The following CDH11 variants were observed in gnomAD, a reference collection of about 807,000 sequenced individuals.
The protein encoded by CDH11 is cadherin 11, also known as cadherin-11.
In CDH11, 11 loss-of-function variants were observed where a neutral mutation model predicts 67.8. That is an observed-to-expected ratio of 0.16 (90% CI 0.10 to 0.27). The LOEUF is 0.27. CDH11 is among the 10% of genes least tolerant of loss of function. The pLI is 1.00. For synonymous variants in CDH11, 419 were observed against 400.0 expected, an observed-to-expected ratio of 1.05 and a Z score of -0.57; for missense variants, 847 against 1,031.2, an observed-to-expected ratio of 0.82 and a Z score of 2.45.
intron 2 of CDH11, among the ~76,000 whole-genome samples, chr16:65,031,374 G>A (rs775795373): frequency 1.3e-5 from 2 of 152,170 alleles, no homozygotes; most frequent in Non-Finnish European, 2.9e-5. Context: ...ATAGATGAAC[G>A]TAAAGAAAAT....
intron 2 of CDH11, among the ~76,000 whole-genome samples, chr16:65,030,275 C>T (rs1161932591): frequency 2.6e-5 from 4 of 152,192 alleles, no homozygotes; most frequent in Non-Finnish European, 5.9e-5. Context: ...TTCAGTATAT[C>T]TACAGTTTGG....
At chr16:65,022,739 C>A (rs1720186499) in intron 2 of CDH11, among the ~76,000 whole-genome samples, 3 of 152,134 alleles carry the variant, frequency 2.0e-5, no homozygotes, top group Admixed American at 2.0e-4. Flanking sequence ...CCAGGTGGTG[C>A]TAGGAATCAG....
intron 4 of CDH11, among the ~76,000 whole-genome samples, chr16:64,995,721 C>T (rs372127443): frequency 6.6e-6 from 1 of 152,042 alleles, no homozygotes; most frequent in African/African-American, 2.4e-5. Flanking sequence ...AAAGAAATTG[C>T]AACAAAAATA....
chr16:65,093,045 T>C (rs2074820108), intron 1 of CDH11, among the ~76,000 whole-genome samples: 3 of 150,744 alleles, frequency 2.0e-5, no homozygotes, highest in South Asian at 2.1e-4. Context: ...CAAGCAATTC[T>C]CCTGCCTCAG....
intron 1 of CDH11, among the ~76,000 whole-genome samples, chr16:65,120,224 T>C (rs1383083714): frequency 6.6e-6 from 1 of 152,168 alleles, no homozygotes; most frequent in African/African-American, 2.4e-5. Flanking sequence ...TCTGCCAACA[T>C]ATTAGGCTCT....
intron 1 of CDH11, chr16:65,059,595 A>C (rs2074203987): frequency 6.6e-6 from 1 of 152,166 alleles, no homozygotes; most frequent in Non-Finnish European, 1.5e-5. Flanking sequence ...TGATAAAAAG[A>C]CTAGAGGCCT....
At chr16:65,047,412 T>C (rs59954387) in intron 2 of CDH11, among the ~76,000 whole-genome samples, 59,044 of 151,474 alleles carry the variant, frequency 0.39, 11,887 homozygotes, top group Middle Eastern at 0.46. Context: ...GTGCAGTTGG[T>C]GCAGTCTCAG....
intron 1 of CDH11, among the ~76,000 whole-genome samples, chr16:65,116,499 T>C (rs1325213971): frequency 2.0e-5 from 3 of 152,154 alleles, no homozygotes; most frequent in Non-Finnish European, 4.4e-5. Flanking sequence ...ATCATTCCAG[T>C]GCAGAGGACC....
At chr16:64,957,045 T>C (rs925127576) in intron 11 of CDH11, among the ~76,000 whole-genome samples, 2 of 152,098 alleles carry the variant, frequency 1.3e-5, no homozygotes, top group Non-Finnish European at 2.9e-5. Context: ...CTCCTGCATA[T>C]TGAAAACTTG....
intron 1 of CDH11, among the ~76,000 whole-genome samples, chr16:65,111,674 A>AACAC (rs71143552): frequency 0.092 from 12,938 of 140,606 alleles, 650 homozygotes; most frequent in African/African-American, 0.13. Context: ...GAAAGCTAGA[A>AACAC]ACACACACAC....
At chr16:65,022,038 A>G (rs1206291461) in intron 2 of CDH11, among the ~76,000 whole-genome samples, 2 of 152,180 alleles carry the variant, frequency 1.3e-5, no homozygotes, top group Non-Finnish European at 2.9e-5. Context: ...AAGTAAGAGC[A>G]AACTTTTACT....
chr16:65,037,460 A>G (rs2073775054), intron 2 of CDH11, among the ~76,000 whole-genome samples: 1 of 152,152 alleles, frequency 6.6e-6, no homozygotes, highest in African/African-American at 2.4e-5. Flanking sequence ...GCACCTTGCC[A>G]TCCCCATCAC....
At chr16:65,003,360 G>T (rs983786489) in intron 3 of CDH11, among the ~76,000 whole-genome samples, 1 of 151,748 alleles carries the variant, frequency 6.6e-6, no homozygotes, top group African/African-American at 2.4e-5. Context: ...ATGTTCAAGC[G>T]ATTCCCCTGC....
chr16:65,034,840 G>C (rs1297087303), intron 2 of CDH11, among the ~76,000 whole-genome samples: 2 of 152,156 alleles, frequency 1.3e-5, no homozygotes, highest in Non-Finnish European at 2.9e-5. Flanking sequence ...TTGGGGTCCA[G>C]ATAGGCCCCT....
chr16:65,098,119 C>T (rs1282434299), intron 1 of CDH11, among the ~76,000 whole-genome samples: 1 of 152,056 alleles, frequency 6.6e-6, no homozygotes, highest in African/African-American at 2.4e-5. Flanking sequence ...GAAGAGAAGG[C>T]CATGAAATTG....
At chr16:65,025,400 G>A (rs758134040) in intron 2 of CDH11, among the ~76,000 whole-genome samples, 2 of 152,084 alleles carry the variant, frequency 1.3e-5, no homozygotes, top group Non-Finnish European at 1.5e-5. Flanking sequence ...GCAGTGGCGC[G>A]ATCTTGGCTT....
At chr16:64,952,897 C>A (rs1427413260) in intron 11 of CDH11, among the ~76,000 whole-genome samples, 1 of 152,074 alleles carries the variant, frequency 6.6e-6, no homozygotes, top group Non-Finnish European at 1.5e-5. Context: ...AATGTATAAT[C>A]TTCCCTTGGT....
At chr16:65,104,502 G>A (rs111259010) in intron 1 of CDH11, among the ~76,000 whole-genome samples, 8 of 152,194 alleles carry the variant, frequency 5.3e-5, no homozygotes, top group African/African-American at 1.7e-4. Flanking sequence ...CTTTTTGTAG[G>A]TAGGTGCCAC....
At chr16:65,112,524 A>G (rs971080672) in intron 1 of CDH11, among the ~76,000 whole-genome samples, 2 of 152,176 alleles carry the variant, frequency 1.3e-5, no homozygotes, top group Admixed American at 6.5e-5. Flanking sequence ...TGTGCTGTTA[A>G]TATTGTCAGC....
Sources: gnomAD v4.1 joint callset for allele counts (sites outside exome capture counted in the v4.1 genomes callset) on GRCh38, gnomAD v4.1.1 for gene constraint, MANE v1.5 for transcripts, NCBI Gene and HGNC (gene_info 2026-07-23, HGNC 2026-07-21) for gene names.